CACNA1E: variants seen among roughly 807,000 people sequenced by gnomAD.
The protein encoded by CACNA1E is voltage-dependent R-type calcium channel subunit alpha-1E.
A neutral mutation model predicts 259.2 loss-of-function variants in CACNA1E; 40 were observed. The observed-to-expected ratio is 0.15, with a 90% CI of 0.12 to 0.20. The LOEUF (loss-of-function observed/expected upper bound fraction) is 0.20, where lower values mean the gene tolerates loss of function less well. CACNA1E is among the 10% of genes least tolerant of loss of function. The pLI, the probability that CACNA1E is intolerant of heterozygous loss-of-function variation, is 1.00. For missense variants in CACNA1E, 1,874 were observed against 3,040.1 expected, an observed-to-expected ratio of 0.62 and a Z score of 9.02; for synonymous variants, 1,104 against 1,138.5, an observed-to-expected ratio of 0.97 and a Z score of 0.61.
intron 1 of CACNA1E, among the ~76,000 whole-genome samples, chr1:181,402,189 A>T (rs1657150241): frequency 6.6e-6 from 1 of 152,202 alleles, no homozygotes; most frequent in Non-Finnish European, 1.5e-5. Context: ...TTCTTTTCAG[A>T]CCAGTTATCT....
chr1:181,410,399 G>A (rs1478686474), intron 1 of CACNA1E, among the ~76,000 whole-genome samples: 1 of 152,188 alleles, frequency 6.6e-6, no homozygotes, highest in African/African-American at 2.4e-5. Flanking sequence ...CATGTCCTGG[G>A]AGCTTCAAGC....
Position 181,771,712 on chromosome 1 carries a change from G to T in CACNA1E, c.4973+328G>T, listed in dbSNP as rs557302205. ...AATTTGCAAATTTTAACTTCAACATGGCCTGCAAGGGTTTGGGAGGGGGGA... is the reference window on the plus strand; with the variant it reads ...AATTTGCAAATTTTAACTTCAACATTGCCTGCAAGGGTTTGGGAGGGGGGA... On this transcript the variant is annotated intron_variant, in intron 36 of 47. Transcript: ENST00000367573. The T allele has an allele frequency of 5.4e-5, 25 of 461,084 alleles. No individual in the cohort carries two copies. The Middle Eastern group carries it at 1.7e-3, about 32-fold the overall frequency. The allele number at this position is 461,084 out of a possible 1,614,324, so 28.6% of individuals were successfully genotyped here.
chr1:181,563,922 G>A (rs1401492463), intron 3 of CACNA1E, among the ~76,000 whole-genome samples: 1 of 152,186 alleles, frequency 6.6e-6, no homozygotes. Context: ...TATACATATA[G>A]TGTAGTCTAT....
At chr1:181,750,442 A>G (rs770117338) in intron 25 of CACNA1E, 34 bp from the exon 26 acceptor site, 1 of 1,609,378 alleles carries the variant, frequency 6.2e-7, no homozygotes, top group Non-Finnish European at 8.5e-7. Context: ...TTTTATTTTG[A>G]TTTTCTACTG....
At position 181,507,868 on chromosome 1, in the gene CACNA1E, C is replaced by T. The variant is rs1022789624; in HGVS notation, c.267-2609C>T. 5.3e-5 allele frequency among the ~76,000 whole-genome samples: 8 copies of T among 152,134 alleles called. No individual in the cohort carries two copies. In the East Asian group the frequency reaches 7.7e-4, roughly 15 times the overall value. On this transcript the variant is annotated intron_variant, in intron 1 of 47. Transcript: ENST00000367573. Reference sequence around the variant, plus strand: ...AGCAGGTGTCTGAAATTGCATGAGACGTTTCCAGCTGTGAGGAGTGACCAG... The same window carrying T: ...AGCAGGTGTCTGAAATTGCATGAGATGTTTCCAGCTGTGAGGAGTGACCAG...
rs559373576 is a variant in CACNA1E at position 181,485,876 on chromosome 1, A to C, written c.266+1866A>C. ...TCTTTGCGGTAGACAAAGCCGCCCA[A>C]CCGCCCCGCGGGTGGCAAAGTGTGC... On this transcript the variant is annotated intron_variant, in intron 1 of 47. Transcript: ENST00000367573. The surrounding 1 kb of genome is among the most constrained non-coding windows in gnomAD (Gnocchi z 4.2). Among the ~76,000 whole-genome samples, 4 of 152,142 alleles carry C rather than the reference A, an allele frequency of 2.6e-5. No individual in the cohort carries two copies. The South Asian group carries it at 8.3e-4, about 32-fold the overall frequency.
chr1:181,487,560 A>T (rs1004637394), intron 1 of CACNA1E, among the ~76,000 whole-genome samples: 9 of 152,290 alleles, frequency 5.9e-5, no homozygotes, highest in African/African-American at 2.2e-4. Context: ...TAAAAATGCT[A>T]ATGTGATTTA....
chr1:181,442,025 A>C (rs899697806), intron 2 of CACNA1E, among the ~76,000 whole-genome samples: 1 of 152,204 alleles, frequency 6.6e-6, no homozygotes, highest in Non-Finnish European at 1.5e-5. Flanking sequence ...ACACAATCAC[A>C]GTATTTTATA....
chr1:181,432,366 T>C (rs1188667496), intron 2 of CACNA1E, among the ~76,000 whole-genome samples: 1 of 152,124 alleles, frequency 6.6e-6, no homozygotes, highest in Non-Finnish European at 1.5e-5. Flanking sequence ...TGTCTGTTAA[T>C]AAAAAAATTT....
At chr1:181,346,594 C>G (rs907805075) in intron 1 of CACNA1E, among the ~76,000 whole-genome samples, 1 of 152,192 alleles carries the variant, frequency 6.6e-6, no homozygotes, top group African/African-American at 2.4e-5. Flanking sequence ...TCCCTCCTGG[C>G]AATTCTCTGG....
chr1:181,475,779 G>T, intron 2 of CACNA1E, among the ~76,000 whole-genome samples: 1 of 152,224 alleles, frequency 6.6e-6, no homozygotes, highest in Non-Finnish European at 1.5e-5. Flanking sequence ...TTACAATGAC[G>T]TCACTTTTAC....
chr1:181,596,143 C>T (rs576428498), intron 6 of CACNA1E, among the ~76,000 whole-genome samples: 1 of 152,238 alleles, frequency 6.6e-6, no homozygotes, highest in East Asian at 1.9e-4. Flanking sequence ...AAAAGAAACA[C>T]AACGTGGCTT....
chr1:181,544,709 T>G (rs1239865899), intron 3 of CACNA1E, among the ~76,000 whole-genome samples: 2 of 152,186 alleles, frequency 1.3e-5, no homozygotes, highest in Admixed American at 1.3e-4. Context: ...TGTTCTATTG[T>G]GGCCCCAAGT....
chr1:181,605,889 A>T (rs1307676360), intron 6 of CACNA1E, among the ~76,000 whole-genome samples: 1 of 152,216 alleles, frequency 6.6e-6, no homozygotes, highest in Non-Finnish European at 1.5e-5. Flanking sequence ...TGCTGGATAT[A>T]AACTTGGGGG....
intron 1 of CACNA1E, among the ~76,000 whole-genome samples, chr1:181,337,338 T>C (rs1334724341): frequency 6.6e-6 from 1 of 151,716 alleles, no homozygotes; most frequent in Non-Finnish European, 1.5e-5. Flanking sequence ...TGTATTTTTT[T>C]TTAGTAGAGG....
intron 44 of CACNA1E, among the ~76,000 whole-genome samples, chr1:181,791,278 T>C (rs945151734): frequency 2.6e-5 from 4 of 152,174 alleles, no homozygotes; most frequent in Non-Finnish European, 5.9e-5. Context: ...GAGACCATCC[T>C]GGGTAACACG....
chr1:181,712,162 C>G (rs1653436970), intron 8 of CACNA1E, among the ~76,000 whole-genome samples: 1 of 151,596 alleles, frequency 6.6e-6, no homozygotes, highest in Non-Finnish European at 1.5e-5. Context: ...CCACCAGATT[C>G]AAGTTTGGCT....
rs961487333 is a variant in CACNA1E at position 181,415,574 on chromosome 1, A to G, written c.434+1994A>G. On this transcript the variant is annotated intron_variant, in intron 2 of 11. Transcript: ENST00000524607. ...AAATGGTGTGTTCAGAAGGAAGGTC[A>G]TCATCTCCATAGAATGTTGCTGAGA... 5.3e-5 allele frequency among the ~76,000 whole-genome samples: 8 copies of G among 152,312 alleles called. No homozygotes were observed. The East Asian group carries it at 1.5e-3, about 29-fold the overall frequency.
intron 1 of CACNA1E, among the ~76,000 whole-genome samples, chr1:181,373,209 G>A (rs1654831117): frequency 6.6e-6 from 1 of 152,138 alleles, no homozygotes; most frequent in Non-Finnish European, 1.5e-5. Flanking sequence ...AGTAGGATTG[G>A]TACCAGCTCC....
Sources: allele counts gnomAD v4.1 joint callset (sites outside exome capture counted in the v4.1 genomes callset), GRCh38; gene constraint gnomAD v4.1.1; non-coding constraint Gnocchi (gnomAD v3.1); transcripts MANE v1.5; gene names NCBI Gene and HGNC (gene_info 2026-07-23, HGNC 2026-07-21).